The following PDPN variants were observed in gnomAD, a reference collection of about 807,000 sequenced individuals.
PDPN encodes the protein PA2.26 antigen.
Under a neutral mutation model 23.2 loss-of-function variants are expected in PDPN, and 12 were observed. The observed-to-expected ratio is 0.52, with a 90% CI of 0.33 to 0.84. PDPN has a LOEUF of 0.84. PDPN is among the 40% of genes least tolerant of loss of function. PDPN has a pLI of 0.02. For missense variants in PDPN, 199 were observed against 212.2 expected (o/e 0.94, Z 0.39); for synonymous variants, 77 against 76.7 (o/e 1.00, Z -0.02).
Position 13,583,872 on chromosome 1 carries a change from G to T in PDPN, c.-162G>T, listed in dbSNP as rs771804597. 6 of 1,606,844 alleles carry T rather than the reference G, an allele frequency of 3.7e-6. No individual in the cohort carries two copies. The Admixed American group carries it at 6.8e-5, about 18-fold the overall frequency. ...TGTCCGGCTGCCTAGGGTCTGGGAAGCTCGGGCACCCTCCCTCTCCGGGGC... is the reference window on the plus strand; with the variant it reads ...TGTCCGGCTGCCTAGGGTCTGGGAATCTCGGGCACCCTCCCTCTCCGGGGC... On this transcript the variant is annotated 5_prime_UTR_variant, in exon 1 of 6. Coordinates refer to ENST00000621990, the MANE Select transcript of PDPN (RefSeq NM_006474.5).
intron 1 of PDPN, among the ~76,000 whole-genome samples, chr1:13,597,751 C>T (rs1294903165): frequency 1.3e-5 from 2 of 152,048 alleles, no homozygotes; most frequent in Non-Finnish European, 2.9e-5. Context: ...GTGGAAGAGT[C>T]GCTTGAGCCC....
chr1:13,597,401 G>A (rs368464453), intron 1 of PDPN, among the ~76,000 whole-genome samples: 89 of 152,278 alleles, frequency 5.8e-4, no homozygotes, highest in African/African-American at 1.5e-3. Flanking sequence ...TGAAAATCCC[G>A]AGGGTAACTC....
chr1:13,592,098 C>T (rs1277705104), intron 1 of PDPN, among the ~76,000 whole-genome samples: 2 of 152,174 alleles, frequency 1.3e-5, no homozygotes, highest in African/African-American at 2.4e-5. Context: ...ACTTCTTCGC[C>T]AATTGTGTAT....
At chr1:13,605,640 T>C (rs1212542497) in intron 1 of PDPN, among the ~76,000 whole-genome samples, 2 of 152,184 alleles carry the variant, frequency 1.3e-5, no homozygotes, top group Non-Finnish European at 2.9e-5. Context: ...TTTTTTTTCT[T>C]TGAGACGGAG....
chr1:13,590,605 C>T (rs917648185), intron 1 of PDPN, among the ~76,000 whole-genome samples: 5 of 151,988 alleles, frequency 3.3e-5, no homozygotes, highest in African/African-American at 1.2e-4. Flanking sequence ...TAGATCAGTC[C>T]GGGCTTTTTG....
intron 1 of PDPN, among the ~76,000 whole-genome samples, chr1:13,588,038 C>T (rs373391216): frequency 2.6e-5 from 4 of 152,132 alleles, no homozygotes; most frequent in Non-Finnish European, 4.4e-5. Context: ...GGGGGAAGTA[C>T]GCAGGTATGG....
chr1:13,595,780 T>C (rs546275820), intron 1 of PDPN: 2 of 933,328 alleles, frequency 2.1e-6, no homozygotes, highest in Non-Finnish European at 3.0e-6. Flanking sequence ...AAGTTCCCCT[T>C]TGCAGGTGCC....
chr1:13,609,925 G>A (rs1640890219), intron 2 of PDPN, among the ~76,000 whole-genome samples: 1 of 152,124 alleles, frequency 6.6e-6, no homozygotes, highest in African/African-American at 2.4e-5. Context: ...TTAGCTGGGT[G>A]TGGTGGCGGG....
intron 3 of PDPN, among the ~76,000 whole-genome samples, chr1:13,611,253 C>A (rs897322709): frequency 2.0e-5 from 3 of 151,018 alleles, no homozygotes; most frequent in African/African-American, 7.3e-5. Context: ...AACAAACAAA[C>A]AAACAAAAAC....
chr1:13,599,729 A>G (rs1420578392), intron 1 of PDPN, among the ~76,000 whole-genome samples: 3 of 152,118 alleles, frequency 2.0e-5, no homozygotes, highest in Non-Finnish European at 2.9e-5. Context: ...TCTAGTCCTT[A>G]AGAGTGGAGA....
intron 1 of PDPN, among the ~76,000 whole-genome samples, chr1:13,595,033 G>A (rs1317494799): frequency 6.6e-6 from 1 of 151,116 alleles, no homozygotes; most frequent in Non-Finnish European, 1.5e-5. Context: ...AAAAACGAGA[G>A]CATGCACCTG....
chr1:13,594,496 CAG>C (rs1427841877), intron 1 of PDPN, among the ~76,000 whole-genome samples: 2 of 152,138 alleles, frequency 1.3e-5, no homozygotes, highest in African/African-American at 2.4e-5. Context: ...AGGAATATAA[CAG>C]GGAGCTGGTC....
At chr1:13,602,916 T>C (rs1179904218) in intron 1 of PDPN, among the ~76,000 whole-genome samples, 1 of 151,926 alleles carries the variant, frequency 6.6e-6, no homozygotes, top group Non-Finnish European at 1.5e-5. Flanking sequence ...CAGTGGCTCA[T>C]GCCTGTGATC....
chr1:13,613,976 G>T (rs1641001146), intron 4 of PDPN, among the ~76,000 whole-genome samples: 1 of 150,748 alleles, frequency 6.6e-6, no homozygotes, highest in South Asian at 2.1e-4. Flanking sequence ...ATGGGGAATG[G>T]TGTCATATCA....
At chr1:13,615,348 C>T (rs1053661061) in intron 5 of PDPN, among the ~76,000 whole-genome samples, 10 of 149,610 alleles carry the variant, frequency 6.7e-5, no homozygotes, top group African/African-American at 1.5e-4. Context: ...TGGAGTAGTG[C>T]GATCTCGGCT....
chr1:13,605,338 T>C (rs1165307661), intron 1 of PDPN, among the ~76,000 whole-genome samples: 1 of 152,138 alleles, frequency 6.6e-6, no homozygotes, highest in Non-Finnish European at 1.5e-5. Context: ...AGCACCTCCC[T>C]CCCCCTCGCT....
chr1:13,597,239 AAT>A (rs1640520294), intron 1 of PDPN, among the ~76,000 whole-genome samples: 2 of 152,188 alleles, frequency 1.3e-5, no homozygotes, highest in Non-Finnish European at 2.9e-5. Context: ...TCTGCTTCTC[AAT>A]AGCCACAAGT....
Position 13,612,255 on chromosome 1 carries a change from G to A in PDPN, c.332-1432G>A, listed in dbSNP as rs751750048. On this transcript the variant is annotated intron_variant, in intron 3 of 5. Transcript: ENST00000621990. Reference sequence around the variant, plus strand: ...AATTTTATTAGGGCAGCAGATGTTCGGTTTTGCTGTGAAACACCCAAATAC... The same window carrying A: ...AATTTTATTAGGGCAGCAGATGTTCAGTTTTGCTGTGAAACACCCAAATAC... 2.8e-4 allele frequency among the ~76,000 whole-genome samples: 42 copies of A among 152,264 alleles called. 1 individual carries two copies. Among genetic ancestry groups the A allele is most frequent in the Middle Eastern group, 6.8e-3 (2 of 294 alleles).
At chr1:13,600,768 G>T (rs368983617) in intron 1 of PDPN, among the ~76,000 whole-genome samples, 118 of 152,244 alleles carry the variant, frequency 7.8e-4, no homozygotes, top group African/African-American at 2.6e-3. Context: ...GGGCATTGCA[G>T]TAGGGAGGAG....
Sources: gnomAD v4.1 joint callset for allele counts (sites outside exome capture counted in the v4.1 genomes callset) on GRCh38, gnomAD v4.1.1 for gene constraint, MANE v1.5 for transcripts, NCBI Gene and HGNC (gene_info 2026-07-23, HGNC 2026-07-21) for gene names.